The following ZNF451 variants were observed in gnomAD, a reference collection of about 807,000 sequenced individuals.
ZNF451 encodes E3 SUMO-protein ligase ZNF451.
Under a neutral mutation model 107.1 loss-of-function variants are expected in ZNF451, and 80 were observed. The observed-to-expected ratio is 0.75, with a 90% CI of 0.62 to 0.90. The LOEUF (loss-of-function observed/expected upper bound fraction) is 0.90. Ranked by LOEUF, ZNF451 falls within the 40% of genes least tolerant of loss-of-function variation. The probability of loss-of-function intolerance (pLI) is 0.00; values close to 1 mark genes in which losing one functional copy is unlikely to be tolerated. For synonymous variants in ZNF451, 362 were observed against 406.5 expected (o/e 0.89, Z 1.32); for missense variants, 1,107 against 1,236.2 (o/e 0.90, Z 1.57).
chr6:57,101,293 A>G (rs978453875), intron 3 of ZNF451: 4 of 1,550,766 alleles, frequency 2.6e-6, no homozygotes, highest in Admixed American at 2.0e-5. Context: ...TGTGACTTCT[A>G]AAAAACGTTT....
intron 3 of ZNF451, chr6:57,107,204 C>G (rs2127945703): frequency 1.0e-6 from 1 of 985,268 alleles, no homozygotes. Flanking sequence ...ATGTATTGAT[C>G]TTTTCTTCTC....
At chr6:57,136,236 G>A (rs1047077018) in intron 7 of ZNF451, among the ~76,000 whole-genome samples, 17 of 152,114 alleles carry the variant, frequency 1.1e-4, no homozygotes, top group Admixed American at 8.5e-4. Flanking sequence ...CTTGATATTG[G>A]CAAGAAGAAA....
At chr6:57,133,708 C>A (rs1438771614) in intron 6 of ZNF451, among the ~76,000 whole-genome samples, 1 of 152,078 alleles carries the variant, frequency 6.6e-6, no homozygotes, top group Admixed American at 6.6e-5. Context: ...TTTTTTGAGA[C>A]AGGATCTCAC....
chr6:57,121,158 AT>A (rs1830619163), intron 3 of ZNF451, among the ~76,000 whole-genome samples: 1 of 151,834 alleles, frequency 6.6e-6, no homozygotes, highest in African/African-American at 2.4e-5. Flanking sequence ...TCTCCATTGT[AT>A]TGTTTTTGCT....
chr6:57,105,508 C>G, intron 3 of ZNF451: 26 of 984,966 alleles, frequency 2.6e-5, no homozygotes, highest in Non-Finnish European at 3.1e-5. Context: ...TGTACAATTG[C>G]ACTATCTAAA....
Position 57,142,010 on chromosome 6 carries a change from C to G in ZNF451, c.919C>G (p.Leu307Val). ...PSFAKKLLISLCKDVPFQVKC... is the reference protein window; with the variant it reads ...PSFAKKLLISVCKDVPFQVKC... ...TTTTGCAAAGAAACTTTTGATCTCT[C>G]TGTGCAAAGATGTTCCCTTTCAAGT... Residue 307 changes from leucine (L) to valine (V), a missense_variant, in exon 9 of 15, where the codon CTG becomes GTG. Around this residue, in one of 5 missense-constraint regions of ZNF451, gnomAD observed 339 missense variants for 372.8 expected, o/e 0.91. Coordinates refer to ENST00000370706, the MANE Select transcript of ZNF451 (RefSeq NM_001031623.3). The G allele has an allele frequency of 1.9e-6, 3 of 1,614,114 alleles. No individual in the cohort carries two copies. Among genetic ancestry groups the G allele is most frequent in the Middle Eastern group, 1.6e-4 (1 of 6,062 alleles).
chr6:57,161,538 A>G (rs1317855253), intron 14 of ZNF451, among the ~76,000 whole-genome samples: 27 of 149,832 alleles, frequency 1.8e-4, no homozygotes, highest in Non-Finnish European at 1.5e-5. Flanking sequence ...AAAGTTTGCT[A>G]ACCCCTGGGC....
intron 2 of ZNF451, among the ~76,000 whole-genome samples, chr6:57,093,461 G>A (rs1393349246): frequency 6.6e-6 from 1 of 152,164 alleles, no homozygotes; most frequent in Non-Finnish European, 1.5e-5. Context: ...AAAAAGTGTT[G>A]AAGCTCATAA....
chr6:57,130,093 A>G (rs1210170882), intron 5 of ZNF451, among the ~76,000 whole-genome samples: 1 of 152,126 alleles, frequency 6.6e-6, no homozygotes, highest in Non-Finnish European at 1.5e-5. Flanking sequence ...TCTTACTAAT[A>G]CTTTTTAGCG....
chr6:57,124,360 C>T (rs1315068877), intron 3 of ZNF451: 2 of 704,040 alleles, frequency 2.8e-6, no homozygotes, highest in Non-Finnish European at 2.6e-6. Context: ...ATGGAGGTTC[C>T]TGCTAGAAGG....
chr6:57,148,758 C>A (rs112751702), intron 10 of ZNF451, 65 bp downstream of exon 10: 2 of 1,443,370 alleles, frequency 1.4e-6, no homozygotes, highest in African/African-American at 1.4e-5. Context: ...GTACCCACCT[C>A]GATTCAATTT....
rs1406236132 is a variant in ZNF451, at chr6:57,147,516, T to C, written c.1431T>C (p.Asn477=). 1 of 1,613,998 alleles carries C rather than the reference T, an allele frequency of 6.2e-7. No individual in the cohort carries two copies. The highest frequency in any genetic ancestry group is 8.5e-7 in the Non-Finnish European group (1 of 1,179,996). The change falls in exon 10 of 15, where the codon AAT becomes AAC. Residue 477 remains asparagine (N), a synonymous_variant. Coordinates refer to ENST00000370706, the MANE Select transcript of ZNF451 (RefSeq NM_001031623.3). ...SVVKTWFCEC[N]QRFPSEDAVE... ...TTAAAACCTGGTTCTGTGAATGCAA[T>C]CAGCGATTCCCAAGTGAAGATGCAG... is the stretch of plus-strand genomic sequence containing the variant.
At chr6:57,109,775 T>C in intron 3 of ZNF451, 1 of 872,172 alleles carries the variant, frequency 1.1e-6, no homozygotes, top group Non-Finnish European at 1.4e-6. Context: ...TAAGAGAATG[T>C]AGAATGAGGA....
chr6:57,110,648 TTGACTTACAGA>T (rs1458902559), intron 3 of ZNF451, among the ~76,000 whole-genome samples: 1 of 152,196 alleles, frequency 6.6e-6, no homozygotes, highest in Non-Finnish European at 1.5e-5. Context: ...TCCTTGTGTT[TTGACTTACAGA>T]TCATTTCTAG....
intron 6 of ZNF451, among the ~76,000 whole-genome samples, chr6:57,134,434 G>T (rs1831332989): frequency 6.6e-6 from 1 of 152,198 alleles, no homozygotes; most frequent in Admixed American, 6.5e-5. Context: ...AGAAGTAAAA[G>T]ATGCTGGACT....
chr6:57,167,608 A>G (rs1763954463), intron 14 of ZNF451, among the ~76,000 whole-genome samples: 1 of 152,192 alleles, frequency 6.6e-6, no homozygotes, highest in East Asian at 1.9e-4. Flanking sequence ...ATGCGGTTGC[A>G]TCTTAGGGAG....
chr6:57,111,381 T>G (rs1449658378), intron 3 of ZNF451, among the ~76,000 whole-genome samples: 3 of 151,804 alleles, frequency 2.0e-5, no homozygotes, highest in African/African-American at 7.2e-5. Context: ...GTTTTTTTTT[T>G]TTTGTTTTTT....
At chr6:57,109,370 C>G (rs1273254434) in intron 3 of ZNF451, 1 of 985,282 alleles carries the variant, frequency 1.0e-6, no homozygotes, top group Non-Finnish European at 1.2e-6. Context: ...TGGTGCAAAG[C>G]ACATGGTATT....
In ZNF451 at chr6:57,147,410, T is replaced by C. The variant is rs1302506404; in HGVS notation, c.1325T>C (p.Ile442Thr). ...AAAGAATCTAGCTCACTGGAGTGCA[T>C]TGCCATTCCAAAAAAGAAGATGAAT... Reference protein sequence around the residue: ...SIKESSSLECIAIPKKKMNLK... With the variant: ...SIKESSSLECTAIPKKKMNLK... Residue 442 changes from isoleucine to threonine, a missense_variant, in exon 10 of 15, where the codon ATT (isoleucine) becomes ACT (threonine). Physicochemically the swap from Ile to Thr is moderately conservative, Grantham distance 89. Coordinates refer to ENST00000370706, the MANE Select transcript of ZNF451 (RefSeq NM_001031623.3). 3.1e-6 allele frequency: 5 copies of C among 1,613,852 alleles called. No individual in the cohort carries two copies. Among genetic ancestry groups the C allele is most frequent in the African/African-American group, 2.7e-5 (2 of 74,908 alleles).
Sources: gnomAD v4.1 joint callset for allele counts (sites outside exome capture counted in the v4.1 genomes callset) on GRCh38, gnomAD v4.1.1 for gene constraint, gnomAD v4.1.1 regional missense constraint, MANE v1.5 for transcripts, NCBI Gene and HGNC (gene_info 2026-07-23, HGNC 2026-07-21) for gene names.